Variants in RALGAPA2 observed in about 807,000 individuals in gnomAD.
The protein encoded by RALGAPA2 is ral GTPase-activating protein subunit alpha-2.
Under a neutral mutation model 230.4 loss-of-function variants are expected in RALGAPA2, and 139 were observed. The observed-to-expected ratio is 0.60, with a 90% CI of 0.53 to 0.69. The LOEUF (loss-of-function observed/expected upper bound fraction) is 0.69, where lower values mean the gene tolerates loss of function less well. RALGAPA2 is among the 30% of genes least tolerant of loss of function. RALGAPA2 has a pLI of 0.00. For missense variants in RALGAPA2, 2,163 were observed against 2,276.0 expected (o/e 0.95, Z 1.01); for synonymous variants, 847 against 837.8 (o/e 1.01, Z -0.19).
chr20:20,690,652 T>C (rs6082102), intron 1 of RALGAPA2, among the ~76,000 whole-genome samples: 6,923 of 149,870 alleles, frequency 0.046, 251 homozygotes, highest in East Asian at 0.17. Flanking sequence ...CAGCTGTACC[T>C]GAAACCTGGA....
chr20:20,434,232 C>A (rs1399502066), intron 37 of RALGAPA2, among the ~76,000 whole-genome samples: 1 of 152,160 alleles, frequency 6.6e-6, no homozygotes, highest in Non-Finnish European at 1.5e-5. Flanking sequence ...CTCATAGCCA[C>A]ACACACTGGC....
At chr20:20,694,475 T>C (rs949221986) in intron 1 of RALGAPA2, among the ~76,000 whole-genome samples, 1 of 152,176 alleles carries the variant, frequency 6.6e-6, no homozygotes, top group African/African-American at 2.4e-5. Context: ...CAGCCTCCAA[T>C]ATTGTCATCT....
intron 37 of RALGAPA2, among the ~76,000 whole-genome samples, chr20:20,452,854 A>G (rs1440334974): frequency 2.0e-5 from 3 of 152,252 alleles, no homozygotes; most frequent in African/African-American, 4.8e-5. Flanking sequence ...AAATGCAAGT[A>G]AAATTCCACA....
intron 1 of RALGAPA2, among the ~76,000 whole-genome samples, chr20:20,681,650 G>A (rs1202183331): frequency 1.3e-5 from 2 of 152,170 alleles, no homozygotes; most frequent in Admixed American, 1.3e-4. Flanking sequence ...ACTGACCAAG[G>A]AGTTGGCACT....
chr20:20,539,218 G>A (rs1055896794), intron 24 of RALGAPA2, among the ~76,000 whole-genome samples: 4 of 151,844 alleles, frequency 2.6e-5, no homozygotes, highest in African/African-American at 9.7e-5. Flanking sequence ...TGCCTCAGTG[G>A]GGCAGTCCTA....
rs2065786498 is a variant in RALGAPA2 at position 20,605,333 on chromosome 20, A to G, written c.1880T>C (p.Leu627Pro). Residue 627 changes from leucine (L) to proline (P), a missense_variant, in exon 15 of 40, where the codon CTG becomes CCG. Coordinates refer to ENST00000202677, the MANE Select transcript of RALGAPA2 (RefSeq NM_020343.4). The part of the protein sequence containing the change: ...RELWDDFLGV[L>P]SSLTEWEELI... ...TTCCTCCCATTCCGTGAGGGAGGACAGCACACCAAGAAAGTCATCCCAGAG... is the reference window on the plus strand; with the variant it reads ...TTCCTCCCATTCCGTGAGGGAGGACGGCACACCAAGAAAGTCATCCCAGAG... The G allele has an allele frequency of 6.2e-7, 1 of 1,613,718 alleles. No homozygotes were observed. The highest frequency in any genetic ancestry group is 1.1e-5 in the South Asian group (1 of 91,082).
At chr20:20,626,964 C>T (rs1354621981) in intron 10 of RALGAPA2, among the ~76,000 whole-genome samples, 1 of 152,180 alleles carries the variant, frequency 6.6e-6, no homozygotes, top group Non-Finnish European at 1.5e-5. Flanking sequence ...ATGATACACT[C>T]CAGGACCTTG....
intron 18 of RALGAPA2, among the ~76,000 whole-genome samples, chr20:20,587,304 T>C (rs2065162253): frequency 6.6e-6 from 1 of 152,168 alleles, no homozygotes; most frequent in Non-Finnish European, 1.5e-5. Context: ...AACTGAGATG[T>C]TGTACTGTCC....
intron 37 of RALGAPA2, among the ~76,000 whole-genome samples, chr20:20,469,538 G>A (rs527300362): frequency 4.9e-4 from 74 of 152,194 alleles, no homozygotes; most frequent in Non-Finnish European, 1.2e-4. Flanking sequence ...TAGTTACAGC[G>A]AGTAGAGATG....
At chr20:20,413,448 C>A (rs551859220) in intron 37 of RALGAPA2, among the ~76,000 whole-genome samples, 4 of 152,270 alleles carry the variant, frequency 2.6e-5, no homozygotes, top group African/African-American at 9.6e-5. Context: ...CGTGAGGAGA[C>A]CAGAGGCATT....
intron 18 of RALGAPA2, among the ~76,000 whole-genome samples, chr20:20,586,550 T>G (rs186875461): frequency 7.9e-5 from 12 of 152,142 alleles, no homozygotes; most frequent in Admixed American, 3.3e-4. Context: ...TTTCAGATAA[T>G]CAGATAAAAA....
Position 20,413,354 on chromosome 20 carries a change from T to C in RALGAPA2, c.5496-1206A>G, listed in dbSNP as rs142279975. 1.3e-3 allele frequency among the ~76,000 whole-genome samples: 193 copies of C among 152,374 alleles called. 4 individuals carry two copies. The highest frequency in any genetic ancestry group is 3.8e-3 in the African/African-American group (156 of 41,596). On this transcript the variant is annotated intron_variant, in intron 37 of 39. Transcript: ENST00000202677. ...GGTCAAATACTTTTCTGCTTTCTTA[T>C]GGCAAAGTGTGCACACCGATCTCTA...
chr20:20,581,214 G>C (rs1298872133), intron 20 of RALGAPA2, among the ~76,000 whole-genome samples: 1 of 152,136 alleles, frequency 6.6e-6, no homozygotes, highest in Non-Finnish European at 1.5e-5. Context: ...TACATACCCT[G>C]AAATGGGATC....
intron 10 of RALGAPA2, 54 bp from the exon 11 acceptor site, chr20:20,620,684 A>G (rs551471660): frequency 6.9e-7 from 1 of 1,446,120 alleles, no homozygotes; most frequent in Admixed American, 2.4e-5. Flanking sequence ...AGATCAGTAT[A>G]GGGCAGCATC....
intron 36 of RALGAPA2, 82 bp downstream of exon 36, chr20:20,495,035 A>G (rs1463457680): frequency 7.6e-7 from 1 of 1,311,188 alleles, no homozygotes; most frequent in Non-Finnish European, 1.0e-6. Context: ...CCTTTAACAT[A>G]TTTGTATCAC....
chr20:20,539,022 C>T (rs1266590353), intron 24 of RALGAPA2, among the ~76,000 whole-genome samples: 1 of 152,106 alleles, frequency 6.6e-6, no homozygotes, highest in Non-Finnish European at 1.5e-5. Context: ...GTTATGTAAC[C>T]GATCCTGTGT....
Position 20,712,269 on chromosome 20 carries a change from T to TCCCCCCCCC in RALGAPA2, c.106+105_106+106insGGGGGGGGG. 2.9e-6 allele frequency: 1 copy of TCCCCCCCCC among 345,338 alleles called. No homozygotes were observed. 21.4% of individuals were successfully genotyped at this position (345,338 alleles called of 1,614,324 possible). A position where few individuals can be genotyped will look rare whatever the true frequency, so the allele number is the denominator to read the frequency against. On this transcript the variant is annotated intron_variant, in intron 1 of 39. Transcript: ENST00000202677. This position sits in a 1 kb window ranked among gnomAD's most constrained non-coding sequence, Gnocchi z 5.5. ...GGGAAGGGGGTCGGACGCCCACCCA[T>TCCCCCCCCC]CCCCCTCCCCAGCCTCCCAGCCACC...
chr20:20,519,379 C>T lies in RALGAPA2; in HGVS notation c.4084+1538G>A, dbSNP rs141067772. ...GAACCTTGCTCCAGACTCTGTAGTG[C>T]TGCAAGCATACCCCTGGACCTTTGT... On this transcript the variant is annotated intron_variant, in intron 31 of 39. Coordinates refer to ENST00000202677, the MANE Select transcript of RALGAPA2 (RefSeq NM_020343.4). Among the ~76,000 whole-genome samples the T allele has an allele frequency of 5.3e-5, 8 of 152,308 alleles. 1 individual carries two copies. In the East Asian group the frequency reaches 1.5e-3, roughly 29 times the overall value.
At position 20,640,876 on chromosome 20, in the gene RALGAPA2, T is replaced by C. The variant is rs768249140; in HGVS notation, c.375A>G (p.Ile125Met). ...KLLHTGNSIK[I>M]RCEGIRLFLL... ...GAAACAGCCTGATTCCTTCACATCT[T>C]ATCTAAAACAAAATTAAAAACAATG... The change falls in exon 6 of 40, where the codon ATA becomes ATG. Residue 125 changes from isoleucine (I) to methionine (M), a missense_variant and splice_region_variant. By Grantham distance (10) the Ile-to-Met change is conservative (BLOSUM62 1). Coordinates refer to ENST00000202677, the MANE Select transcript of RALGAPA2 (RefSeq NM_020343.4). The C allele has an allele frequency of 1.2e-6, 2 of 1,602,898 alleles. No homozygotes were observed. The highest frequency in any genetic ancestry group is 1.1e-5 in the South Asian group (1 of 90,526).
Sources: gnomAD v4.1 joint callset for allele counts (sites outside exome capture counted in the v4.1 genomes callset) on GRCh38, gnomAD v4.1.1 for gene constraint, Gnocchi (gnomAD v3.1) non-coding constraint, MANE v1.5 for transcripts, NCBI Gene and HGNC (gene_info 2026-07-23, HGNC 2026-07-21) for gene names.